The following PHF1 variants were observed in gnomAD, a reference collection of about 807,000 sequenced individuals.
PHF1 encodes the protein polycomb-like 1.
A neutral mutation model predicts 69.4 loss-of-function variants in PHF1; 16 were observed. The ratio of observed to expected loss-of-function variants is 0.23; its 90% CI spans 0.16 to 0.35. The LOEUF (loss-of-function observed/expected upper bound fraction) is 0.35, where lower values mean the gene tolerates loss of function less well. Among genes scored for constraint, PHF1 ranks in the 10% least tolerant of loss-of-function variants. PHF1 has a pLI of 1.00. For missense variants in PHF1, 515 were observed against 732.8 expected, an observed-to-expected ratio of 0.70 and a Z score of 3.43; for synonymous variants, 274 against 275.0, an observed-to-expected ratio of 1.00 and a Z score of 0.04.
In PHF1 at chr6:33,414,050, A is replaced by G. The variant is rs372535149; in HGVS notation, c.693A>G (p.Glu231=). The G allele has an allele frequency of 6.2e-7, 1 of 1,613,866 alleles. No homozygotes were observed. The highest frequency in any genetic ancestry group is 1.3e-5 in the African/African-American group (1 of 74,816). ...KPLLYGDRFY[E]FECCVCRGGP... ...TCTTGCCCATGTCCAGGTTCTATGA[A>G]TTTGAATGCTGTGTGTGTCGCGGGG... Residue 231 remains glutamate (E), a synonymous_variant, in exon 8 of 15, where the codon GAA becomes GAG. Coordinates refer to ENST00000374516, the MANE Select transcript of PHF1 (RefSeq NM_024165.3). This position sits in a 1 kb window ranked among gnomAD's most constrained non-coding sequence, Gnocchi z 5.0.
In PHF1 at chr6:33,414,967, G is replaced by C; in HGVS notation, c.1062G>C (p.Gly354=). Residue 354 remains glycine (G), a synonymous_variant, in exon 12 of 15, where the codon GGG becomes GGC. Transcript: ENST00000374516. The surrounding 1 kb of genome is among the most constrained non-coding windows in gnomAD (Gnocchi z 5.0). ...GDGALTSFPS[G]QGPGGGVSRP... The stretch of plus-strand genomic sequence containing the variant: ...AGGCCTCTTACAGCTTCCCTTCAGG[G>C]CAGGGCCCTGGGGGAGGGGTCTCAC... The C allele has an allele frequency of 1.3e-6, 2 of 1,539,958 alleles. No homozygotes were observed. Among genetic ancestry groups the C allele is most frequent in the Non-Finnish European group, 1.8e-6 (2 of 1,142,052 alleles).
In PHF1 at chr6:33,415,069, G is replaced by C. The variant is rs1310881804; in HGVS notation, c.1164G>C (p.Gly388=). Residue 388 remains glycine (G), a synonymous_variant, in exon 12 of 15, where the codon GGG becomes GGC. Transcript: ENST00000374516. ...RRQKGKVEEL[G]PPSAVRNQPE... is the part of the protein sequence containing the mutation. Reference sequence around the variant, plus strand: ...AGAAGGGGAAAGTGGAGGAGCTGGGGCCACCCTCAGCAGTGCGCAATCAGC... The same window carrying C: ...AGAAGGGGAAAGTGGAGGAGCTGGGCCCACCCTCAGCAGTGCGCAATCAGC... The C allele has an allele frequency of 6.2e-7, 1 of 1,610,512 alleles. No homozygotes were observed. Among genetic ancestry groups the C allele is most frequent in the African/African-American group, 1.3e-5 (1 of 74,842 alleles).
At chr6:33,413,656 G>A (rs1776238785) in intron 6 of PHF1, 80 bp from the exon 7 acceptor site, 1 of 1,597,540 alleles carries the variant, frequency 6.3e-7, no homozygotes, top group Non-Finnish European at 8.6e-7. Context: ...CACTCAGGGG[G>A]ATAGGAGGTA....
chr6:33,414,126 A>G lies in PHF1; in HGVS notation c.752+17A>G, dbSNP rs1776270385. The G allele has an allele frequency of 6.2e-7, 1 of 1,614,118 alleles. No individual in the cohort carries two copies. Among genetic ancestry groups the G allele is most frequent in the South Asian group, 1.1e-5 (1 of 91,088 alleles). ...GCTTCGCTGGTGAGCTGGATTGGGC[A>G]TGACCTCAGTGTAACTCCACACCAC... On this transcript the variant is annotated intron_variant, in intron 8 of 14. Coordinates refer to ENST00000374516, the MANE Select transcript of PHF1 (RefSeq NM_024165.3). This position sits in a 1 kb window ranked among gnomAD's most constrained non-coding sequence, Gnocchi z 5.0.
intron 4 of PHF1, 48 bp from the exon 5 acceptor site, chr6:33,413,148 C>G (rs755750355): frequency 6.8e-6 from 10 of 1,472,436 alleles, no homozygotes; most frequent in Non-Finnish European, 8.5e-6. Flanking sequence ...TGTCCCAATA[C>G]CAAGCACACA....
chr6:33,412,175 AAAAAAG>A lies in PHF1; in HGVS notation c.-16-62_-16-57del, dbSNP rs1273386371. ...AAACTCCATCTCAGGAAAAAAAAAA[AAAAAAG>A]AAAAAGAAAATGGGGAAGGTTTCTC... On this transcript the variant is annotated intron_variant, in intron 1 of 14. Transcript: ENST00000374516. The surrounding 1 kb of genome is among the most constrained non-coding windows in gnomAD (Gnocchi z 4.2). 2 of 1,190,690 alleles carry A rather than the reference AAAAAAG, an allele frequency of 1.7e-6. No homozygotes were observed. The highest frequency in any genetic ancestry group is 2.4e-6 in the Non-Finnish European group (2 of 845,550). The allele number at this position is 1,190,690 out of a possible 1,614,324, so 73.8% of individuals were successfully genotyped here.
At chr6:33,413,121 T>A in intron 4 of PHF1, 75 bp from the exon 5 acceptor site, 1 of 1,251,426 alleles carries the variant, frequency 8.0e-7, no homozygotes, top group Non-Finnish European at 1.2e-6. Flanking sequence ...TTAAATGAGA[T>A]GGGTAAAGAC....
At chr6:33,413,674 G>T in intron 6 of PHF1, 62 bp from the exon 7 acceptor site, 2 of 1,600,228 alleles carry the variant, frequency 1.2e-6, no homozygotes, top group East Asian at 4.5e-5. Context: ...GTAAGTTTAG[G>T]GTTTGGGACA....
chr6:33,413,664 G>GT (rs1776239253), intron 6 of PHF1, 72 bp from the exon 7 acceptor site: 1 of 1,597,366 alleles, frequency 6.3e-7, no homozygotes. Flanking sequence ...GGGATAGGAG[G>GT]TAAGTTTAGG....
chr6:33,414,373 G>A lies in PHF1; in HGVS notation c.876+7G>A, dbSNP rs1562854724. On this transcript the variant is annotated splice_region_variant and intron_variant, in intron 9 of 14. Coordinates refer to ENST00000374516, the MANE Select transcript of PHF1 (RefSeq NM_024165.3). This position sits in a 1 kb window ranked among gnomAD's most constrained non-coding sequence, Gnocchi z 5.0. ...CAGTTTGCTCCTGGGGGAGGTAAGG[G>A]GTAGTGCAGTTTTGGGGGTTGGGAT... 1.2e-6 allele frequency: 2 copies of A among 1,613,964 alleles called. No homozygotes were observed. Among genetic ancestry groups the A allele is most frequent in the Non-Finnish European group, 8.5e-7 (1 of 1,179,956 alleles).
Position 33,412,427 on chromosome 6 carries a change from G to C in PHF1, c.159+5G>C. On this transcript the variant is annotated splice_donor_5th_base_variant and intron_variant, in intron 2 of 14. Coordinates refer to ENST00000374516, the MANE Select transcript of PHF1 (RefSeq NM_024165.3). The surrounding 1 kb of genome is among the most constrained non-coding windows in gnomAD (Gnocchi z 4.2). ...TACTTGGGTACCATCAAAAAGGTAA[G>C]ACCTTCTACCTCTGACCTTCTTCCT... The C allele has an allele frequency of 6.2e-7, 1 of 1,614,250 alleles. No homozygotes were observed. The highest frequency in any genetic ancestry group is 8.5e-7 in the Non-Finnish European group (1 of 1,180,040).
chr6:33,413,393 T>C lies in PHF1; in HGVS notation c.439-16T>C. 6.2e-7 allele frequency: 1 copy of C among 1,614,026 alleles called. No individual in the cohort carries two copies. Among genetic ancestry groups the C allele is most frequent in the Middle Eastern group, 1.6e-4 (1 of 6,062 alleles). ...CCCCACCCCTCTGAAGCCACCCACCTGTCCTGTCTCTGCAGAGGGGAGGTG... is the reference window on the plus strand; with the variant it reads ...CCCCACCCCTCTGAAGCCACCCACCCGTCCTGTCTCTGCAGAGGGGAGGTG... On this transcript the variant is annotated splice_polypyrimidine_tract_variant and intron_variant, in intron 5 of 14. Coordinates refer to ENST00000374516, the MANE Select transcript of PHF1 (RefSeq NM_024165.3).
rs1338656795 is a variant in PHF1 at position 33,415,970 on chromosome 6, G to C, written c.1576G>C (p.Gly526Arg). ...PLCRSLSPGT[G>R]GGVRGGVGYL... The stretch of plus-strand genomic sequence containing the variant: ...GTGCCGTAGTTTGTCTCCTGGGACT[G>C]GGGGAGGAGTCCGAGGTGGGGTTGG... The change falls in exon 15 of 15, where the codon GGG (glycine) becomes CGG (arginine). Residue 526 changes from glycine to arginine, a missense_variant. Physicochemically the swap from Gly to Arg is moderately radical, Grantham distance 125. Around this residue, in one of 5 missense-constraint regions of PHF1, gnomAD observed 274 missense variants for 304.5 expected, o/e 0.90. Transcript: ENST00000374516. The C allele has an allele frequency of 1.2e-6, 2 of 1,614,094 alleles. No homozygotes were observed. Among genetic ancestry groups the C allele is most frequent in the African/African-American group, 1.3e-5 (1 of 75,038 alleles).
chr6:33,413,080 T>G, intron 4 of PHF1, 116 bp from the exon 5 acceptor site: 1 of 944,752 alleles, frequency 1.1e-6, no homozygotes, highest in Non-Finnish European at 1.7e-6. Flanking sequence ...ATAAGGATAA[T>G]GCACCCCCTC....
Position 33,413,730 on chromosome 6 carries a change from C to T in PHF1, c.588-6C>T, listed in dbSNP as rs768144708. 2 of 1,612,266 alleles carry T rather than the reference C, an allele frequency of 1.2e-6. No homozygotes were observed. The highest frequency in any genetic ancestry group is 2.7e-5 in the African/African-American group (2 of 74,828). ...TGGAGGCCAGAAGTCCTGTGTTCCC[C>T]CTCAGGTGGAACCTGAAAATGCTGC... On this transcript the variant is annotated splice_region_variant and splice_polypyrimidine_tract_variant and intron_variant, in intron 6 of 14. Coordinates refer to ENST00000374516, the MANE Select transcript of PHF1 (RefSeq NM_024165.3).
At position 33,412,224 on chromosome 6, in the gene PHF1, C is replaced by T. The variant is rs770110682; in HGVS notation, c.-16-24C>T. The T allele has an allele frequency of 1.6e-5, 24 of 1,524,198 alleles. No individual in the cohort carries two copies. Among genetic ancestry groups the T allele is most frequent in the Admixed American group, 5.3e-5 (3 of 56,258 alleles). 94.4% of individuals were successfully genotyped at this position (1,524,198 alleles called of 1,614,324 possible). ...GGTTTCTCAGCATTCATAACCTTCT[C>T]CTCCCCATTTCTTTTCTGGCTAGGC... On this transcript the variant is annotated intron_variant, in intron 1 of 14. Coordinates refer to ENST00000374516, the MANE Select transcript of PHF1 (RefSeq NM_024165.3). The surrounding 1 kb of genome is among the most constrained non-coding windows in gnomAD (Gnocchi z 4.2).
In PHF1 at chr6:33,414,384, T is replaced by C. The variant is rs746467163; in HGVS notation, c.876+18T>C. 1.2e-6 allele frequency: 2 copies of C among 1,613,910 alleles called. No individual in the cohort carries two copies. The highest frequency in any genetic ancestry group is 1.7e-5 in the Admixed American group (1 of 60,004). On this transcript the variant is annotated intron_variant, in intron 9 of 14. Coordinates refer to ENST00000374516, the MANE Select transcript of PHF1 (RefSeq NM_024165.3). This position sits in a 1 kb window ranked among gnomAD's most constrained non-coding sequence, Gnocchi z 5.0. ...TGGGGGAGGTAAGGGGTAGTGCAGT[T>C]TTGGGGGTTGGGATGGGACAGGGAG...
Position 33,414,149 on chromosome 6 carries a change from C to T in PHF1, c.752+40C>T, listed in dbSNP as rs1776271800. On this transcript the variant is annotated intron_variant, in intron 8 of 14. Coordinates refer to ENST00000374516, the MANE Select transcript of PHF1 (RefSeq NM_024165.3). This position sits in a 1 kb window ranked among gnomAD's most constrained non-coding sequence, Gnocchi z 5.0. Reference sequence around the variant, plus strand: ...GCATGACCTCAGTGTAACTCCACACCACAGTATTTCACTCTATATGCCCCA... The same window carrying T: ...GCATGACCTCAGTGTAACTCCACACTACAGTATTTCACTCTATATGCCCCA... 1 of 1,613,594 alleles carries T rather than the reference C, an allele frequency of 6.2e-7. No individual in the cohort carries two copies. The highest frequency in any genetic ancestry group is 2.2e-5 in the East Asian group (1 of 44,864).
In PHF1 at chr6:33,415,597, A is replaced by G. The variant is rs1258324662; in HGVS notation, c.1342A>G (p.Ile448Val). The G allele has an allele frequency of 6.2e-7, 1 of 1,613,788 alleles. No homozygotes were observed. The highest frequency in any genetic ancestry group is 8.5e-7 in the Non-Finnish European group (1 of 1,179,892). ...TCCCCACTCCAACCCCAGCAGCCCC[A>G]TCCGGATGTTTGCTTCCTTCCACCC... ...TDARCLPSSP[I>V]RMFASFHPSA... The change falls in exon 14 of 15, where the codon ATC becomes GTC. Residue 448 changes from isoleucine to valine, a missense_variant. By Grantham distance (29) the Ile-to-Val change is conservative (BLOSUM62 3). This residue lies in a region of PHF1 where 274 missense variants were observed against 304.5 expected (regional missense o/e 0.90). Coordinates refer to ENST00000374516, the MANE Select transcript of PHF1 (RefSeq NM_024165.3).
Sources: gnomAD v4.1 joint callset for allele counts on GRCh38, gnomAD v4.1.1 for gene constraint, gnomAD v4.1.1 regional missense constraint, Gnocchi (gnomAD v3.1) non-coding constraint, MANE v1.5 for transcripts, NCBI Gene and HGNC (gene_info 2026-07-23, HGNC 2026-07-21) for gene names.